The following SPTAN1 variants were observed in gnomAD, a reference collection of about 807,000 sequenced individuals.
The protein encoded by SPTAN1 is spectrin alpha chain, non-erythrocytic 1.
SPTAN1 carries 61 observed loss-of-function variants against 331.3 expected under a neutral mutation model. The observed-to-expected ratio is 0.18, with a 90% CI of 0.15 to 0.23. The LOEUF (loss-of-function observed/expected upper bound fraction) is 0.23, where lower values mean the gene tolerates loss of function less well. SPTAN1 is among the 10% of genes least tolerant of loss of function. The pLI, the probability that SPTAN1 is intolerant of heterozygous loss-of-function variation, is 1.00. For missense variants in SPTAN1, 2,043 were observed against 3,147.9 expected, an observed-to-expected ratio of 0.65 and a Z score of 8.40; for synonymous variants, 1,153 against 1,173.9, an observed-to-expected ratio of 0.98 and a Z score of 0.36.
chr9:128,587,932 G>A (rs1010933188), intron 20 of SPTAN1, among the ~76,000 whole-genome samples: 1 of 151,908 alleles, frequency 6.6e-6, no homozygotes, highest in Admixed American at 6.6e-5. Context: ...TGCAACCTCC[G>A]CCTCCTGGGT....
Position 128,584,414 on chromosome 9 carries a change from C to A in SPTAN1, c.2326C>A (p.Arg776=). The A allele has an allele frequency of 6.2e-7, 1 of 1,614,116 alleles. No individual in the cohort carries two copies. ...YEALKEPMVA[R]KQKLADSLRL... Reference sequence around the variant, plus strand: ...GGCACTCAAGGAGCCCATGGTTGCCCGGAAGCAGAAGCTGGCCGATTCTCT... The same window carrying A: ...GGCACTCAAGGAGCCCATGGTTGCCAGGAAGCAGAAGCTGGCCGATTCTCT... Residue 776 remains arginine, a synonymous_variant, in exon 17 of 57, where the codon CGG becomes AGG. Coordinates refer to ENST00000372739, the MANE Select transcript of SPTAN1 (RefSeq NM_001130438.3).
Position 128,568,869 on chromosome 9 carries a change from A to G in SPTAN1, c.335A>G (p.Glu112Gly). The change falls in exon 3 of 57, where the codon GAA becomes GGA. Residue 112 changes from glutamate to glycine, a missense_variant. Glu to Gly is a moderately conservative substitution (Grantham distance 98). This residue lies in a region of SPTAN1 where 1,038 missense variants were observed against 1,531.5 expected (regional missense o/e 0.68). Coordinates refer to ENST00000372739, the MANE Select transcript of SPTAN1 (RefSeq NM_001130438.3). ...GAAACTGGAAACCTGATGATCTCAG[A>G]AGGGCATTTTGCATCTGAAACCATA... ...LDETGNLMIS[E>G]GHFASETIRT... is the part of the protein sequence containing the mutation. The G allele has an allele frequency of 6.2e-7, 1 of 1,614,138 alleles. No homozygotes were observed.
intron 31 of SPTAN1, 122 bp downstream of exon 31, chr9:128,605,599 T>G: frequency 7.6e-7 from 1 of 1,308,266 alleles, no homozygotes; most frequent in Non-Finnish European, 1.1e-6. Flanking sequence ...ATCCAAGCAC[T>G]TTGGGGGGCC....
intron 3 of SPTAN1, among the ~76,000 whole-genome samples, chr9:128,573,331 G>T (rs1432297773): frequency 6.6e-6 from 1 of 152,182 alleles, no homozygotes; most frequent in Non-Finnish European, 1.5e-5. Flanking sequence ...GCTGCCACTT[G>T]GGTGAAGTTT....
At chr9:128,606,536 T>G (rs1855912308) in intron 31 of SPTAN1, among the ~76,000 whole-genome samples, 1 of 149,568 alleles carries the variant, frequency 6.7e-6, no homozygotes, top group South Asian at 2.1e-4. Flanking sequence ...CAGGCTGGAG[T>G]GCAGTGGTGC....
At chr9:128,609,330 A>G in intron 36 of SPTAN1, 46 bp downstream of exon 36, 1 of 1,613,218 alleles carries the variant, frequency 6.2e-7, no homozygotes, top group Non-Finnish European at 8.5e-7. Context: ...GCCTTATGTT[A>G]TTGAGTAGAT....
At chr9:128,564,712 A>G (rs1849812759) in intron 1 of SPTAN1, among the ~76,000 whole-genome samples, 1 of 152,216 alleles carries the variant, frequency 6.6e-6, no homozygotes, top group Non-Finnish European at 1.5e-5. Flanking sequence ...GAGGGAAGGA[A>G]GGAACATTGG....
intron 41 of SPTAN1, among the ~76,000 whole-genome samples, chr9:128,616,164 A>C (rs562247339): frequency 6.6e-6 from 1 of 151,850 alleles, no homozygotes; most frequent in East Asian, 1.9e-4. Flanking sequence ...CTTATTCTCT[A>C]TCTGTCCCCG....
chr9:128,605,616 A>G, intron 31 of SPTAN1, 139 bp downstream of exon 31: 1 of 1,108,736 alleles, frequency 9.0e-7, no homozygotes. Context: ...GGCCAAGGCA[A>G]GCGAATTGCT....
chr9:128,553,140 T>C (rs982519351), intron 1 of SPTAN1: 1 of 152,224 alleles, frequency 6.6e-6, no homozygotes, highest in African/African-American at 2.4e-5. Flanking sequence ...CTGCAGCTCG[T>C]TCTTCCGAAT....
chr9:128,561,440 G>C (rs940777186), intron 1 of SPTAN1, among the ~76,000 whole-genome samples: 3 of 150,904 alleles, frequency 2.0e-5, no homozygotes, highest in African/African-American at 7.3e-5. Flanking sequence ...GAGGCAGGCA[G>C]ATCACGAGGT....
intron 44 of SPTAN1, among the ~76,000 whole-genome samples, chr9:128,619,761 C>T (rs1051780067): frequency 2.6e-5 from 4 of 152,208 alleles, no homozygotes; most frequent in African/African-American, 9.7e-5. Context: ...ACAGTTCAGC[C>T]CATCACATAC....
At chr9:128,591,069 T>A (rs1853433506) in intron 21 of SPTAN1, among the ~76,000 whole-genome samples, 1 of 598 alleles carries the variant, frequency 1.7e-3, no homozygotes, top group South Asian at 0.1. Context: ...TTTTGGACCT[T>A]TTTTTTTTAT....
chr9:128,600,079 G>C lies in SPTAN1; in HGVS notation c.3544-1G>C. The C allele has an allele frequency of 6.2e-7, 1 of 1,614,182 alleles. No homozygotes were observed. The highest frequency in any genetic ancestry group is 8.5e-7 in the Non-Finnish European group (1 of 1,180,020). On this transcript the variant is annotated splice_acceptor_variant, in intron 26 of 56. Transcript: ENST00000372739. LOFTEE classifies it high-confidence loss of function. Reference sequence around the variant, plus strand: ...GCCTAAATTCCTCTTTCTTTGAATAGGATGAAACTGATTCCAAGACAGCCT... The same window carrying C: ...GCCTAAATTCCTCTTTCTTTGAATACGATGAAACTGATTCCAAGACAGCCT...
At chr9:128,565,810 C>T (rs73618499) in intron 1 of SPTAN1, among the ~76,000 whole-genome samples, 125 of 152,260 alleles carry the variant, frequency 8.2e-4, no homozygotes, top group African/African-American at 2.7e-3. Flanking sequence ...CTGGAAGGGA[C>T]CAGCAGGCTT....
At chr9:128,614,886 C>T (rs571389510) in intron 40 of SPTAN1, among the ~76,000 whole-genome samples, 1 of 152,166 alleles carries the variant, frequency 6.6e-6, no homozygotes, top group East Asian at 1.9e-4. Context: ...TAGCTCTTAC[C>T]TGTGCATGAT....
intron 41 of SPTAN1, among the ~76,000 whole-genome samples, chr9:128,616,395 G>A (rs916960368): frequency 6.6e-6 from 1 of 151,592 alleles, no homozygotes; most frequent in Non-Finnish European, 1.5e-5. Context: ...AAAGTGCTGT[G>A]ATCACAGGCA....
chr9:128,565,856 T>C (rs1783311058), intron 1 of SPTAN1, among the ~76,000 whole-genome samples: 2 of 152,132 alleles, frequency 1.3e-5, no homozygotes, highest in Admixed American at 1.3e-4. Context: ...CAAAAACCTC[T>C]CTATAGGCTG....
chr9:128,570,306 A>T (rs939060785), intron 3 of SPTAN1, among the ~76,000 whole-genome samples: 1 of 102,856 alleles, frequency 9.7e-6, no homozygotes, highest in Non-Finnish European at 1.8e-5. Context: ...TAGACAGCTT[A>T]TATATATATA....
Sources: allele counts gnomAD v4.1 joint callset (sites outside exome capture counted in the v4.1 genomes callset), GRCh38; gene constraint gnomAD v4.1.1; regional missense constraint gnomAD v4.1.1; transcripts MANE v1.5; gene names NCBI Gene and HGNC (gene_info 2026-07-23, HGNC 2026-07-21).